TANGO6: variants seen among roughly 807,000 people sequenced by gnomAD.
TANGO6 encodes the protein transport and Golgi organization protein 6 homolog.
Under a neutral mutation model 114.2 loss-of-function variants are expected in TANGO6, and 90 were observed. That is an observed-to-expected ratio of 0.79 (90% CI 0.66 to 0.94). TANGO6 has a LOEUF of 0.94. Among genes scored for constraint, TANGO6 ranks in the 40% least tolerant of loss-of-function variants. TANGO6 has a pLI of 0.00. For synonymous variants in TANGO6, 477 were observed against 509.8 expected (o/e 0.94, Z 0.87); for missense variants, 1,274 against 1,315.3 (o/e 0.97, Z 0.49).
intron 17 of TANGO6, 25 bp from the exon 18 acceptor site, chr16:69,083,443 CGGCACAGTAGACAGGCG>C: frequency 6.3e-7 from 1 of 1,575,190 alleles, no homozygotes; most frequent in Non-Finnish European, 8.6e-7. Flanking sequence ...TGAGAAATGC[CGGCACAGTAGACAGGCG>C]GTCATGGCTG....
At chr16:68,851,190 C>T (rs1429149471) in intron 1 of TANGO6, among the ~76,000 whole-genome samples, 9 of 152,020 alleles carry the variant, frequency 5.9e-5, no homozygotes, top group Non-Finnish European at 8.8e-5. Context: ...GATGGAGTCT[C>T]GCTCTGTCTC....
At chr16:68,857,395 T>C (rs1237979467) in intron 1 of TANGO6, among the ~76,000 whole-genome samples, 8 of 152,160 alleles carry the variant, frequency 5.3e-5, no homozygotes, top group Admixed American at 2.6e-4. Context: ...CATTCTTTTT[T>C]TTTTTCTTTC....
chr16:68,996,573 A>C (rs1336639393), intron 15 of TANGO6, among the ~76,000 whole-genome samples: 1 of 152,194 alleles, frequency 6.6e-6, no homozygotes, highest in South Asian at 2.1e-4. Context: ...TGGATCAACA[A>C]GATGTTTCTG....
At chr16:68,951,612 CTTTTT>C (rs869222437) in intron 14 of TANGO6, among the ~76,000 whole-genome samples, 1 of 133,508 alleles carries the variant, frequency 7.5e-6, no homozygotes, top group Admixed American at 7.5e-5. Flanking sequence ...GGCCTCTGTT[CTTTTT>C]TTTTTTTTTT....
chr16:68,902,236 G>A lies in TANGO6; in HGVS notation c.1491-92G>A, dbSNP rs2152182144. 2.3e-6 allele frequency: 3 copies of A among 1,277,082 alleles called. No homozygotes were observed. The South Asian group carries it at 4.6e-5, about 20-fold the overall frequency. The allele number at this position is 1,277,082 out of a possible 1,614,324, so 79.1% of individuals were successfully genotyped here. A position where few individuals can be genotyped will look rare whatever the true frequency, so the allele number is the denominator to read the frequency against. On this transcript the variant is annotated intron_variant, in intron 8 of 17. Coordinates refer to ENST00000261778, the MANE Select transcript of TANGO6 (RefSeq NM_024562.2). ...TTGTGCCAGCATTTAAAATGCAGTG[G>A]AACCTGACAGCCTTTCTTTCTTTTT...
intron 17 of TANGO6, among the ~76,000 whole-genome samples, chr16:69,056,563 C>T (rs916405014): frequency 6.6e-6 from 1 of 150,512 alleles, no homozygotes; most frequent in Non-Finnish European, 1.5e-5. Flanking sequence ...AAGAAGTCTG[C>T]GAAGTCCTGC....
intron 16 of TANGO6, among the ~76,000 whole-genome samples, chr16:69,040,107 G>C (rs1047496858): frequency 6.6e-6 from 1 of 152,000 alleles, no homozygotes; most frequent in African/African-American, 2.4e-5. Context: ...ACTGGATTTT[G>C]CCCTCTACCA....
At chr16:68,974,306 T>TATTTCCTAAA in intron 15 of TANGO6, 138 bp downstream of exon 15, 1 of 947,432 alleles carries the variant, frequency 1.1e-6, no homozygotes, top group Non-Finnish European at 1.6e-6. Flanking sequence ...CATTTAGGAA[T>TATTTCCTAAA]TTAGGAAATA....
chr16:68,943,210 T>G (rs1445552103), intron 14 of TANGO6, among the ~76,000 whole-genome samples: 1 of 151,218 alleles, frequency 6.6e-6, no homozygotes, highest in Non-Finnish European at 1.5e-5. Context: ...CTTATTTATA[T>G]TTATATTCTT....
rs772938507 is a variant in TANGO6 at position 68,927,956 on chromosome 16, T to C, written c.2516T>C (p.Leu839Pro). 9 of 1,613,586 alleles carry C rather than the reference T, an allele frequency of 5.6e-6. No individual in the cohort carries two copies. In the Admixed American group the frequency reaches 1.2e-4, roughly 21 times the overall value. Residue 839 changes from leucine to proline, a missense_variant, in exon 13 of 18, where the codon CTC (leucine) becomes CCC (proline). Around this residue, in one of 5 missense-constraint regions of TANGO6, gnomAD observed 908 missense variants for 910.2 expected, o/e 1.00. Coordinates refer to ENST00000261778, the MANE Select transcript of TANGO6 (RefSeq NM_024562.2). ...TCTGGAAGCGTAACCACAGAACAGCTCCAAGAGGTTCTTTTGTCAGCTTAT... is the reference window on the plus strand; with the variant it reads ...TCTGGAAGCGTAACCACAGAACAGCCCCAAGAGGTTCTTTTGTCAGCTTAT... ...QKSGSVTTEQ[L>P]QEVLLSAYDP... is the part of the protein sequence containing the mutation.
chr16:68,975,054 A>C (rs1181262276), intron 15 of TANGO6, among the ~76,000 whole-genome samples: 2 of 152,160 alleles, frequency 1.3e-5, no homozygotes, highest in South Asian at 2.1e-4. Context: ...CGAGACTCAG[A>C]AATAAAGAAT....
chr16:68,912,950 AG>A (rs1335859196), intron 11 of TANGO6, among the ~76,000 whole-genome samples: 1 of 151,080 alleles, frequency 6.6e-6, no homozygotes, highest in Non-Finnish European at 1.5e-5. Flanking sequence ...TGTGGTGGCA[AG>A]CGCCTGTAAT....
intron 11 of TANGO6, among the ~76,000 whole-genome samples, chr16:68,916,565 G>T (rs1012280171): frequency 3.3e-5 from 5 of 151,680 alleles, no homozygotes; most frequent in Admixed American, 2.0e-4. Context: ...TGCACAGATG[G>T]CTCGAAGACA....
chr16:68,895,737 C>T (rs1159921577), intron 7 of TANGO6, among the ~76,000 whole-genome samples: 3 of 152,098 alleles, frequency 2.0e-5, no homozygotes, highest in African/African-American at 7.2e-5. Context: ...TTAATAAGTA[C>T]CATTGCATAT....
At chr16:68,974,360 C>T (rs572610333) in intron 15 of TANGO6, among the ~76,000 whole-genome samples, 192 bp downstream of exon 15, 1 of 152,196 alleles carries the variant, frequency 6.6e-6, no homozygotes, top group Non-Finnish European at 1.5e-5. Flanking sequence ...TGTCCTTTTT[C>T]TTAAACCTGC....
intron 2 of TANGO6, among the ~76,000 whole-genome samples, chr16:68,860,967 T>C (rs994709192): frequency 1.3e-5 from 2 of 152,192 alleles, no homozygotes; most frequent in African/African-American, 2.4e-5. Flanking sequence ...ATAACACATA[T>C]AGAGCACCTG....
Position 68,859,961 on chromosome 16 carries a change from G to A in TANGO6, c.172G>A (p.Glu58Lys). The A allele has an allele frequency of 6.2e-7, 1 of 1,612,752 alleles. No homozygotes were observed. The highest frequency in any genetic ancestry group is 8.5e-7 in the Non-Finnish European group (1 of 1,178,936). The change falls in exon 2 of 18, where the codon GAG becomes AAG. Residue 58 changes from glutamate (E) to lysine (K), a missense_variant. Glu to Lys is a moderately conservative substitution (Grantham distance 56, BLOSUM62 1). Around this residue, in one of 5 missense-constraint regions of TANGO6, gnomAD observed 114 missense variants for 104.6 expected, o/e 1.09. Coordinates refer to ENST00000261778, the MANE Select transcript of TANGO6 (RefSeq NM_024562.2). ...TTTAAAATCTAACCTGTCTGCTTTG[G>A]AGGACAAGTTTCTGAAGGATCCTCA... The part of the protein sequence containing the change: ...ATLKSNLSAL[E>K]DKFLKDPQWK...
At chr16:68,898,378 T>C (rs774104419) in intron 7 of TANGO6, among the ~76,000 whole-genome samples, 1 of 152,086 alleles carries the variant, frequency 6.6e-6, no homozygotes. Flanking sequence ...GCACAGAGAT[T>C]TTTCCAGCTC....
intron 8 of TANGO6, among the ~76,000 whole-genome samples, chr16:68,901,000 G>A (rs1010081567): frequency 6.6e-6 from 1 of 152,174 alleles, no homozygotes; most frequent in African/African-American, 2.4e-5. Context: ...TTAGATAGAA[G>A]GGATTTCTTA....
Sources: allele counts gnomAD v4.1 joint callset (sites outside exome capture counted in the v4.1 genomes callset), GRCh38; gene constraint gnomAD v4.1.1; regional missense constraint gnomAD v4.1.1; transcripts MANE v1.5; gene names NCBI Gene and HGNC (gene_info 2026-07-23, HGNC 2026-07-21).